The following RYR2 variants were observed in gnomAD, a reference collection of about 807,000 sequenced individuals.
RYR2 encodes ryanodine receptor 2, also known as cardiac muscle ryanodine receptor-calcium release channel.
RYR2 carries 227 observed loss-of-function variants against 601.1 expected under a neutral mutation model. The ratio of observed to expected loss-of-function variants is 0.38; its 90% CI spans 0.34 to 0.42. The LOEUF (loss-of-function observed/expected upper bound fraction) is 0.42. RYR2 is among the 10% of genes least tolerant of loss of function. The pLI is 1.00. For missense variants in RYR2, 4,646 were observed against 6,156.5 expected, an observed-to-expected ratio of 0.75 and a Z score of 8.21; for synonymous variants, 2,223 against 2,175.1, an observed-to-expected ratio of 1.02 and a Z score of -0.61.
chr1:237,137,729 T>G lies in RYR2; in HGVS notation c.48+95160T>G, dbSNP rs73117635. On this transcript the variant is annotated intron_variant, in intron 1 of 104. Coordinates refer to ENST00000366574, the MANE Select transcript of RYR2 (RefSeq NM_001035.3). ...TTATTTGTCATCTTTAGATTGATTTTAAGTAATTTTTTTGTAAGGCAAAGA... is the reference window on the plus strand; with the variant it reads ...TTATTTGTCATCTTTAGATTGATTTGAAGTAATTTTTTTGTAAGGCAAAGA... Among the ~76,000 whole-genome samples, 715 of 152,362 alleles carry G rather than the reference T, an allele frequency of 4.7e-3. 3 individuals carry two copies. The highest frequency in any genetic ancestry group is 0.016 in the African/African-American group (667 of 41,586).
chr1:237,661,062 A>G, intron 56 of RYR2, 115 bp downstream of exon 56: 1 of 1,015,500 alleles, frequency 9.8e-7, no homozygotes, highest in East Asian at 3.2e-5. Flanking sequence ...AGAGTCACAA[A>G]ATTTAGAAGG....
chr1:237,142,138 C>T (rs553060627), intron 1 of RYR2, among the ~76,000 whole-genome samples: 14 of 152,314 alleles, frequency 9.2e-5, no homozygotes, highest in African/African-American at 3.1e-4. Context: ...CCCTGGGTGG[C>T]TGTCCTCAGC....
intron 29 of RYR2, among the ~76,000 whole-genome samples, chr1:237,579,228 A>T (rs902001494): frequency 6.8e-6 from 1 of 147,904 alleles, no homozygotes; most frequent in Admixed American, 6.8e-5. Flanking sequence ...CCACGTGAGG[A>T]TAATTTACTT....
chr1:237,332,523 T>C (rs890260209), intron 3 of RYR2, among the ~76,000 whole-genome samples: 1 of 152,228 alleles, frequency 6.6e-6, no homozygotes, highest in Non-Finnish European at 1.5e-5. Context: ...ATTCTCAATT[T>C]AGTTTCATTT....
intron 10 of RYR2, among the ~76,000 whole-genome samples, chr1:237,389,582 C>T (rs1349995486): frequency 1.3e-5 from 2 of 152,144 alleles, no homozygotes; most frequent in Non-Finnish European, 2.9e-5. Flanking sequence ...GGTTTACTTG[C>T]ATCATAGACA....
chr1:237,412,655 G>A (rs1704565712), intron 10 of RYR2, among the ~76,000 whole-genome samples: 1 of 152,134 alleles, frequency 6.6e-6, no homozygotes, highest in African/African-American at 2.4e-5. Context: ...TTAACAAAGA[G>A]CTGCATGAGC....
At chr1:237,761,130 A>T in intron 84 of RYR2, 102 bp downstream of exon 84, 2 of 734,700 alleles carry the variant, frequency 2.7e-6, no homozygotes, top group South Asian at 3.4e-5. Flanking sequence ...AAGTTATTTT[A>T]AAGTTGATGA....
chr1:237,380,331 T>C (rs567549099), intron 8 of RYR2, among the ~76,000 whole-genome samples: 21 of 123,008 alleles, frequency 1.7e-4, no homozygotes, highest in African/African-American at 6.5e-4. Context: ...TGTGTATATA[T>C]ATGCACACTT....
chr1:237,257,873 G>A (rs1477736404), intron 1 of RYR2, among the ~76,000 whole-genome samples: 1 of 152,076 alleles, frequency 6.6e-6, no homozygotes, highest in African/African-American at 2.4e-5. Flanking sequence ...AGGTAGAAAA[G>A]GGCTTTGTGG....
At chr1:237,758,452 G>T (rs1009512269) in intron 82 of RYR2, among the ~76,000 whole-genome samples, 4 of 152,000 alleles carry the variant, frequency 2.6e-5, no homozygotes, top group African/African-American at 9.6e-5. Flanking sequence ...CACACCCCCC[G>T]TAAATGGCTA....
chr1:237,113,003 T>C (rs1285241585), intron 1 of RYR2, among the ~76,000 whole-genome samples: 1 of 152,054 alleles, frequency 6.6e-6, no homozygotes, highest in Non-Finnish European at 1.5e-5. Flanking sequence ...TGTTCACATG[T>C]ACCAGCAGTG....
intron 21 of RYR2, 48 bp from the exon 22 acceptor site, chr1:237,503,239 CTT>C: frequency 6.7e-7 from 1 of 1,501,836 alleles, no homozygotes. Context: ...AATTAGAAAA[CTT>C]TAATGTACAC....
chr1:237,770,897 T>A lies in RYR2; in HGVS notation c.11557+10T>A. 1 of 1,519,086 alleles carries A rather than the reference T, an allele frequency of 6.6e-7. No individual in the cohort carries two copies. The highest frequency in any genetic ancestry group is 8.9e-7 in the Non-Finnish European group (1 of 1,120,018). The allele number at this position is 1,519,086 out of a possible 1,614,324, so 94.1% of individuals were successfully genotyped here. On this transcript the variant is annotated intron_variant, in intron 85 of 104. Transcript: ENST00000366574. ...GAGGGACACAACTCAGGTTTGTGAG[T>A]CCCCGGAACTTCTGATGATACTAAG...
intron 101 of RYR2, among the ~76,000 whole-genome samples, chr1:237,823,142 G>T (rs1242188751): frequency 1.3e-5 from 2 of 152,090 alleles, no homozygotes; most frequent in Admixed American, 1.3e-4. Flanking sequence ...AATTAACAAG[G>T]ATATCCAGGA....
rs574906274 is a variant in RYR2 at position 237,825,115 on chromosome 1, A to G, written c.14591-3266A>G. 2.8e-4 allele frequency among the ~76,000 whole-genome samples: 42 copies of G among 152,318 alleles called. 1 individual carries two copies. The highest frequency in any genetic ancestry group is 9.1e-4 in the African/African-American group (38 of 41,574). On this transcript the variant is annotated intron_variant, in intron 101 of 104. Transcript: ENST00000366574. ...CAAAGTAATTTATAGATTCAATGCT[A>G]TCCCCATCAAGCTACCATTGACTTT...
At chr1:237,088,206 A>T (rs1410122721) in intron 1 of RYR2, among the ~76,000 whole-genome samples, 1 of 152,050 alleles carries the variant, frequency 6.6e-6, no homozygotes, top group African/African-American at 2.4e-5. Context: ...CGTGTAAAGC[A>T]TGCATGTCTG....
At chr1:237,212,470 C>T (rs1312344458) in intron 1 of RYR2, among the ~76,000 whole-genome samples, 1 of 151,828 alleles carries the variant, frequency 6.6e-6, no homozygotes, top group Admixed American at 6.6e-5. Flanking sequence ...ACAAAAATTC[C>T]TACTGGGCTT....
chr1:237,151,801 G>A (rs1674732210), intron 1 of RYR2, among the ~76,000 whole-genome samples: 1 of 152,134 alleles, frequency 6.6e-6, no homozygotes, highest in South Asian at 2.1e-4. Flanking sequence ...TTAAGCAGTG[G>A]GGTGTGGCAT....
chr1:237,477,752 G>A (rs1661572219), intron 17 of RYR2, among the ~76,000 whole-genome samples: 1 of 152,144 alleles, frequency 6.6e-6, no homozygotes, highest in Admixed American at 6.6e-5. Flanking sequence ...TCTGCATTGT[G>A]AGTAACTTAG....
Sources: gnomAD v4.1 joint callset for allele counts (sites outside exome capture counted in the v4.1 genomes callset) on GRCh38, gnomAD v4.1.1 for gene constraint, MANE v1.5 for transcripts, NCBI Gene and HGNC (gene_info 2026-07-23, HGNC 2026-07-21) for gene names.